The following CSMD1 variants were observed in gnomAD, a reference collection of about 807,000 sequenced individuals.
The protein encoded by CSMD1 is CUB and sushi domain-containing protein 1.
In CSMD1, 213 loss-of-function variants were observed where a neutral mutation model predicts 417.5. That is an observed-to-expected ratio of 0.51 (90% CI 0.46 to 0.57). The LOEUF (loss-of-function observed/expected upper bound fraction) is 0.57, where lower values mean the gene tolerates loss of function less well. Among genes scored for constraint, CSMD1 ranks in the 20% least tolerant of loss-of-function variants. The pLI is 0.00. For synonymous variants in CSMD1, 2,862 were observed against 1,736.8 expected (o/e 1.65, Z -16.11); for missense variants, 6,923 against 4,529.7 (o/e 1.53, Z -15.17).
At chr8:3,682,572 G>A (rs1799721428) in intron 7 of CSMD1, among the ~76,000 whole-genome samples, 1 of 152,172 alleles carries the variant, frequency 6.6e-6, no homozygotes. Flanking sequence ...GGAGAAATAG[G>A]AACACTTTGA....
intron 4 of CSMD1, among the ~76,000 whole-genome samples, chr8:4,018,130 G>C (rs2688378): frequency 0.2 from 30,846 of 152,038 alleles, 3,962 homozygotes; most frequent in Non-Finnish European, 0.26. Context: ...AAAGTGTTTT[G>C]TGTGTTTTTA....
chr8:4,247,703 G>A (rs968482851), intron 3 of CSMD1, among the ~76,000 whole-genome samples: 1 of 151,996 alleles, frequency 6.6e-6, no homozygotes, highest in Non-Finnish European at 1.5e-5. Context: ...TTTTTATTTT[G>A]GTACACATAC....
At position 4,204,041 on chromosome 8, in the gene CSMD1, C is replaced by T. The variant is rs116643890; in HGVS notation, c.416-171942G>A. Among the ~76,000 whole-genome samples the T allele has an allele frequency of 9.6e-3, 1,456 of 152,216 alleles. 20 individuals carry two copies. The highest frequency in any genetic ancestry group is 0.034 in the African/African-American group (1,395 of 41,534). ...ACTTGAGCCCAGTGGGCAGAAGTTG[C>T]GGTGAGCTGAGATTGTGCCACTGTA... On this transcript the variant is annotated intron_variant, in intron 3 of 69. Coordinates refer to ENST00000635120, the MANE Select transcript of CSMD1 (RefSeq NM_033225.6).
chr8:3,914,809 C>A (rs1464058270), intron 5 of CSMD1, among the ~76,000 whole-genome samples: 1 of 152,020 alleles, frequency 6.6e-6, no homozygotes. Flanking sequence ...TTATTGACAT[C>A]TACTCTACTG....
intron 49 of CSMD1, among the ~76,000 whole-genome samples, chr8:3,085,056 G>C (rs968446333): frequency 1.3e-5 from 2 of 152,032 alleles, no homozygotes; most frequent in African/African-American, 4.8e-5. Flanking sequence ...GATTCTTTCA[G>C]AATTAGTATT....
At chr8:4,730,788 T>C (rs746566074) in intron 1 of CSMD1, among the ~76,000 whole-genome samples, 7 of 151,776 alleles carry the variant, frequency 4.6e-5, no homozygotes, top group East Asian at 1.9e-4. Context: ...AATAAATGAA[T>C]AGAGACGGAG....
intron 3 of CSMD1, among the ~76,000 whole-genome samples, chr8:4,082,605 C>T (rs1017200619): frequency 4.1e-5 from 6 of 144,888 alleles, no homozygotes; most frequent in African/African-American, 1.0e-4. Flanking sequence ...TTTCTTTTTT[C>T]GTTTTATTTT....
At chr8:3,711,479 T>A (rs568650973) in intron 6 of CSMD1, among the ~76,000 whole-genome samples, 9 of 152,276 alleles carry the variant, frequency 5.9e-5, no homozygotes, top group African/African-American at 2.2e-4. Context: ...AGGGCGCTGG[T>A]TCATGAACGT....
chr8:4,647,488 G>A (rs980725494), intron 1 of CSMD1, among the ~76,000 whole-genome samples: 2 of 148,372 alleles, frequency 1.3e-5, no homozygotes, highest in African/African-American at 5.3e-5. Flanking sequence ...GTGTGCCATG[G>A]TGGTTTGTTA....
intron 7 of CSMD1, among the ~76,000 whole-genome samples, chr8:3,667,247 T>A (rs1310895741): frequency 6.6e-6 from 1 of 152,176 alleles, no homozygotes; most frequent in Non-Finnish European, 1.5e-5. Flanking sequence ...ATTATATTAA[T>A]ATATATTAAT....
intron 18 of CSMD1, among the ~76,000 whole-genome samples, chr8:3,374,560 G>T (rs1810188940): frequency 6.6e-6 from 1 of 152,188 alleles, no homozygotes; most frequent in Admixed American, 6.5e-5. Flanking sequence ...ATTAGACTAT[G>T]ACGGACATGC....
chr8:4,460,198 G>C (rs909691934), intron 2 of CSMD1, among the ~76,000 whole-genome samples: 1 of 151,966 alleles, frequency 6.6e-6, no homozygotes, highest in Non-Finnish European at 1.5e-5. Context: ...TAGAATTTGA[G>C]AAATAATAGA....
At chr8:4,916,411 C>T (rs1806071282) in intron 1 of CSMD1, among the ~76,000 whole-genome samples, 1 of 152,172 alleles carries the variant, frequency 6.6e-6, no homozygotes, top group Non-Finnish European at 1.5e-5. Context: ...CACATATGCA[C>T]ATATAAATAT....
intron 3 of CSMD1, among the ~76,000 whole-genome samples, chr8:4,208,196 A>G (rs1001736003): frequency 6.6e-6 from 1 of 152,330 alleles, no homozygotes; most frequent in South Asian, 2.1e-4. Flanking sequence ...AGACTCAGCT[A>G]TGGAACACAG....
intron 5 of CSMD1, among the ~76,000 whole-genome samples, chr8:3,779,804 T>A (rs780903702): frequency 3.9e-5 from 6 of 152,180 alleles, no homozygotes. Context: ...TCCAGAAATA[T>A]TGAGCTGAGA....
chr8:4,705,320 G>A (rs938085931), intron 1 of CSMD1, among the ~76,000 whole-genome samples: 3 of 152,034 alleles, frequency 2.0e-5, no homozygotes, highest in African/African-American at 7.2e-5. Flanking sequence ...ATAGTTCTAT[G>A]TTCTAGAGAC....
intron 2 of CSMD1, among the ~76,000 whole-genome samples, chr8:4,458,270 G>T (rs935857253): frequency 2.0e-5 from 3 of 152,116 alleles, no homozygotes; most frequent in South Asian, 4.1e-4. Context: ...CACAAAAAAT[G>T]ACACTCAATG....
At chr8:3,231,014 G>A (rs890960840) in intron 26 of CSMD1, among the ~76,000 whole-genome samples, 1 of 152,058 alleles carries the variant, frequency 6.6e-6, no homozygotes, top group Non-Finnish European at 1.5e-5. Flanking sequence ...CAAACGGCGA[G>A]CCTAAAATCA....
intron 3 of CSMD1, among the ~76,000 whole-genome samples, chr8:4,159,117 T>A (rs1307288822): frequency 1.3e-5 from 2 of 152,052 alleles, no homozygotes; most frequent in Non-Finnish European, 2.9e-5. Context: ...GGCTTCTCCA[T>A]AGTTGGCAGG....
Sources: allele counts gnomAD v4.1 joint callset (sites outside exome capture counted in the v4.1 genomes callset), GRCh38; gene constraint gnomAD v4.1.1; transcripts MANE v1.5; gene names NCBI Gene and HGNC (gene_info 2026-07-23, HGNC 2026-07-21).